Variants in DLG2 observed in about 807,000 individuals in gnomAD.
DLG2 encodes the protein disks large homolog 2.
DLG2 carries 45 observed loss-of-function variants against 132.5 expected under a neutral mutation model. That is an observed-to-expected ratio of 0.34 (90% CI 0.27 to 0.44). DLG2 has a LOEUF of 0.44. Among genes scored for constraint, DLG2 ranks in the 20% least tolerant of loss-of-function variants. The pLI is 1.00. For missense variants in DLG2, 1,045 were observed against 1,196.9 expected (o/e 0.87, Z 1.87); for synonymous variants, 424 against 419.6 (o/e 1.01, Z -0.13).
At chr11:85,166,134 A>G (rs1023497527) in intron 4 of DLG2, among the ~76,000 whole-genome samples, 1 of 152,064 alleles carries the variant, frequency 6.6e-6, no homozygotes, top group Non-Finnish European at 1.5e-5. Context: ...CCTTCTTGAA[A>G]GTTATACCTA....
chr11:84,842,942 G>A (rs549539755), intron 6 of DLG2, among the ~76,000 whole-genome samples: 1 of 151,966 alleles, frequency 6.6e-6, no homozygotes, highest in Admixed American at 6.6e-5. Context: ...AAGGGCTCTG[G>A]AAAACATAGA....
In DLG2 at chr11:84,315,632, AGC is replaced by A. The variant is rs1435254287; in HGVS notation, c.520-64343_520-64342del. On this transcript the variant is annotated intron_variant, in intron 7 of 27. Coordinates refer to ENST00000376104, the MANE Select transcript of DLG2 (RefSeq NM_001142699.3). ...TTTCTAAATGTCAACTTCTATTTTA[AGC>A]CAAACCAGTTTAATAATAAAATGGT... Among the ~76,000 whole-genome samples, 8 of 152,176 alleles carry A rather than the reference AGC, an allele frequency of 5.3e-5. No homozygotes were observed. The South Asian group carries it at 1.4e-3, about 28-fold the overall frequency.
In DLG2 at chr11:83,930,323, A is replaced by G; in HGVS notation, c.1496+5T>C. On this transcript the variant is annotated splice_donor_5th_base_variant and intron_variant, in intron 15 of 27. Transcript: ENST00000376104. ...GAAGATGAAGTGAGGAAGCGCATGCAGTACCTGGTCATCTCAGAGTCAGGT... is the reference window on the plus strand; with the variant it reads ...GAAGATGAAGTGAGGAAGCGCATGCGGTACCTGGTCATCTCAGAGTCAGGT... 6.2e-7 allele frequency: 1 copy of G among 1,613,492 alleles called. No individual in the cohort carries two copies. Among genetic ancestry groups the G allele is most frequent in the Non-Finnish European group, 8.5e-7 (1 of 1,179,726 alleles).
At chr11:84,483,430 C>CAAAAAAAA (rs56086759) in intron 7 of DLG2, among the ~76,000 whole-genome samples, 91 of 90,096 alleles carry the variant, frequency 1.0e-3, no homozygotes, top group Middle Eastern at 5.6e-3. Flanking sequence ...GACTCCGCCT[C>CAAAAAAAA]AAAAAAAAAA....
chr11:83,769,502 T>C (rs1029860903), intron 18 of DLG2, among the ~76,000 whole-genome samples: 6 of 151,274 alleles, frequency 4.0e-5, no homozygotes, highest in Non-Finnish European at 8.8e-5. Flanking sequence ...AGTGTTCCTC[T>C]CCTGGGGATG....
intron 3 of DLG2, among the ~76,000 whole-genome samples, chr11:85,383,833 G>A (rs1224493112): frequency 6.6e-6 from 1 of 152,020 alleles, no homozygotes; most frequent in African/African-American, 2.4e-5. Flanking sequence ...CTTCCCTATA[G>A]GCTTCCCACA....
At chr11:85,224,672 C>A (rs2152622185) in intron 4 of DLG2, among the ~76,000 whole-genome samples, 1 of 152,136 alleles carries the variant, frequency 6.6e-6, no homozygotes, top group South Asian at 2.1e-4. Context: ...TTTTCATCTT[C>A]TTTTTTTGTA....
At chr11:85,013,656 C>T (rs920734620) in intron 6 of DLG2, among the ~76,000 whole-genome samples, 1 of 151,884 alleles carries the variant, frequency 6.6e-6, no homozygotes, top group Non-Finnish European at 1.5e-5. Context: ...TCAAAATCTT[C>T]AAATATAGAA....
At chr11:83,477,941 C>T (rs1332017218) in intron 22 of DLG2, among the ~76,000 whole-genome samples, 1 of 152,002 alleles carries the variant, frequency 6.6e-6, no homozygotes, top group Non-Finnish European at 1.5e-5. Flanking sequence ...TAGCAAGTTC[C>T]TCATCTTTCC....
At chr11:85,583,303 C>A (rs2078741642) in intron 3 of DLG2, among the ~76,000 whole-genome samples, 1 of 149,988 alleles carries the variant, frequency 6.7e-6, no homozygotes, top group South Asian at 2.1e-4. Context: ...GAAGTTAGAA[C>A]AACACACATG....
intron 6 of DLG2, among the ~76,000 whole-genome samples, chr11:84,544,488 A>G (rs568032323): frequency 7.9e-5 from 12 of 152,288 alleles, no homozygotes; most frequent in African/African-American, 2.9e-4. Context: ...AGAGTTTCTA[A>G]AGTGCTAAAT....
At chr11:84,820,383 A>T (rs529710284) in intron 6 of DLG2, among the ~76,000 whole-genome samples, 122 of 151,888 alleles carry the variant, frequency 8.0e-4, no homozygotes, top group Middle Eastern at 6.8e-3. Context: ...GTTCCACTTT[A>T]TCTTCTACAT....
intron 18 of DLG2, among the ~76,000 whole-genome samples, chr11:83,675,081 G>A (rs760270442): frequency 6.6e-6 from 1 of 152,224 alleles, no homozygotes; most frequent in Non-Finnish European, 1.5e-5. Flanking sequence ...ACAATCCAAA[G>A]TGTAGTTAAT....
intron 5 of DLG2, among the ~76,000 whole-genome samples, chr11:85,146,526 TC>T (rs1051467730): frequency 6.6e-6 from 1 of 152,088 alleles, no homozygotes; most frequent in African/African-American, 2.4e-5. Flanking sequence ...AGAGATGCCA[TC>T]CAGGAGCTAG....
At chr11:83,624,599 A>G (rs1165088804) in intron 19 of DLG2, among the ~76,000 whole-genome samples, 3 of 152,222 alleles carry the variant, frequency 2.0e-5, no homozygotes, top group Non-Finnish European at 4.4e-5. Context: ...AAGCAATAAA[A>G]GGAACTCCCC....
At chr11:84,851,045 T>C (rs1168939923) in intron 6 of DLG2, among the ~76,000 whole-genome samples, 1 of 152,048 alleles carries the variant, frequency 6.6e-6, no homozygotes, top group Non-Finnish European at 1.5e-5. Flanking sequence ...ATGACTCAAA[T>C]TAATAGGAAT....
chr11:83,618,423 A>C (rs1566080289), intron 19 of DLG2, among the ~76,000 whole-genome samples: 1 of 152,222 alleles, frequency 6.6e-6, no homozygotes, highest in East Asian at 1.9e-4. Flanking sequence ...GTAAAAAGCT[A>C]GGAAGTACCC....
chr11:83,759,073 C>T (rs118093979), intron 18 of DLG2, among the ~76,000 whole-genome samples: 2,142 of 152,014 alleles, frequency 0.014, 23 homozygotes, highest in Non-Finnish European at 0.019. Flanking sequence ...TTTCAGACAC[C>T]GGAATGAGTC....
intron 18 of DLG2, among the ~76,000 whole-genome samples, chr11:83,780,799 A>C (rs558888424): frequency 5.9e-4 from 90 of 152,318 alleles, no homozygotes; most frequent in African/African-American, 2.0e-3. Context: ...CCACTGAGCC[A>C]TGACCAATCA....
Sources: gnomAD v4.1 joint callset for allele counts (sites outside exome capture counted in the v4.1 genomes callset) on GRCh38, gnomAD v4.1.1 for gene constraint, MANE v1.5 for transcripts, NCBI Gene and HGNC (gene_info 2026-07-23, HGNC 2026-07-21) for gene names.